The following ANO2 variants were observed in gnomAD, a reference collection of about 807,000 sequenced individuals.
The protein encoded by ANO2 is anoctamin-2.
ANO2 carries 101 observed loss-of-function variants against 124.2 expected under a neutral mutation model. The ratio of observed to expected loss-of-function variants is 0.81; its 90% confidence interval spans 0.69 to 0.96. The LOEUF (loss-of-function observed/expected upper bound fraction) is 0.96, where lower values mean the gene tolerates loss of function less well. Ranked by LOEUF, ANO2 falls within the 40% of genes least tolerant of loss-of-function variation. The pLI, the probability that ANO2 is intolerant of heterozygous loss-of-function variation, is 0.00. For synonymous variants in ANO2, 486 were observed against 482.5 expected, an observed-to-expected ratio of 1.01 and a Z score of -0.09; for missense variants, 1,293 against 1,274.5, an observed-to-expected ratio of 1.01 and a Z score of -0.22.
chr12:5,612,156 G>A (rs369212766), intron 19 of ANO2, among the ~76,000 whole-genome samples: 1 of 152,142 alleles, frequency 6.6e-6, no homozygotes, highest in East Asian at 1.9e-4. Flanking sequence ...GAAGTCCTAT[G>A]ACATTTTCAT....
chr12:5,782,449 G>T (rs911607424), intron 10 of ANO2, among the ~76,000 whole-genome samples: 2 of 152,008 alleles, frequency 1.3e-5, no homozygotes, highest in African/African-American at 4.8e-5. Context: ...TATCATTATG[G>T]ATTTAAGTTT....
chr12:5,720,148 G>A (rs1950166858), intron 14 of ANO2, among the ~76,000 whole-genome samples: 2 of 152,176 alleles, frequency 1.3e-5, no homozygotes, highest in African/African-American at 2.4e-5. Flanking sequence ...GCAGGCTGTG[G>A]TGGTGGATGG....
At chr12:5,643,063 T>TACACACACAC (rs67252256) in intron 15 of ANO2, among the ~76,000 whole-genome samples, 139 of 150,088 alleles carry the variant, frequency 9.3e-4, no homozygotes, top group African/African-American at 3.1e-3. Context: ...AAATCCATTT[T>TACACACACAC]ACACACACAC....
intron 3 of ANO2, among the ~76,000 whole-genome samples, chr12:5,885,507 C>T (rs763502110): frequency 6.6e-6 from 1 of 152,214 alleles, no homozygotes; most frequent in Non-Finnish European, 1.5e-5. Context: ...TTCTAATGCA[C>T]TATATCACAA....
chr12:5,614,799 G>T (rs1456179942), intron 17 of ANO2, among the ~76,000 whole-genome samples: 2 of 152,100 alleles, frequency 1.3e-5, no homozygotes, highest in African/African-American at 4.8e-5. Flanking sequence ...TCTTGTGAGG[G>T]GCCGTGCCCT....
chr12:5,783,813 T>A (rs551144214), intron 10 of ANO2, among the ~76,000 whole-genome samples: 34 of 152,260 alleles, frequency 2.2e-4, no homozygotes, highest in Admixed American at 5.9e-4. Flanking sequence ...CTTGTCCCAC[T>A]CTGGAACCCC....
intron 3 of ANO2, among the ~76,000 whole-genome samples, chr12:5,918,789 C>T (rs1394675294): frequency 1.3e-5 from 2 of 152,178 alleles, no homozygotes; most frequent in Non-Finnish European, 2.9e-5. Context: ...CCTCAAGCCT[C>T]AGCATGACAC....
rs1162526713 is a variant in ANO2, at chr12:5,636,563, C to T, written c.1621-1216G>A. ...AAATAGAAAACGTAGGGAGAGAAAA[C>T]AGCAGGTGGAAGGCTCCCTGAAAAA... On this transcript the variant is annotated intron_variant, in intron 15 of 24. Coordinates refer to ENST00000682330, the MANE Select transcript of ANO2 (RefSeq NM_001364791.2). This position sits in a 1 kb window ranked among gnomAD's most constrained non-coding sequence, Gnocchi z 4.6. Among the ~76,000 whole-genome samples the T allele has an allele frequency of 2.0e-5, 3 of 148,376 alleles. No homozygotes were observed. The highest frequency in any genetic ancestry group is 6.8e-5 in the Admixed American group (1 of 14,780).
intron 3 of ANO2, among the ~76,000 whole-genome samples, chr12:5,866,029 T>C (rs1430542284): frequency 6.6e-6 from 1 of 152,222 alleles, no homozygotes; most frequent in African/African-American, 2.4e-5. Context: ...CAGCCATATG[T>C]TTTTAGCAGA....
chr12:5,729,069 A>G (rs1323806313), intron 14 of ANO2, among the ~76,000 whole-genome samples: 1 of 152,214 alleles, frequency 6.6e-6, no homozygotes, highest in African/African-American at 2.4e-5. Flanking sequence ...ATGACATTGG[A>G]TTAGGCAATG....
intron 14 of ANO2, among the ~76,000 whole-genome samples, chr12:5,660,197 T>G (rs1261674334): frequency 6.6e-6 from 1 of 152,122 alleles, no homozygotes; most frequent in Non-Finnish European, 1.5e-5. Context: ...ATAACCCCAC[T>G]GTAAGTCAAG....
chr12:5,621,914 G>A (rs1324035311), intron 16 of ANO2, among the ~76,000 whole-genome samples: 2 of 152,134 alleles, frequency 1.3e-5, no homozygotes, highest in African/African-American at 4.8e-5. Flanking sequence ...CTTTTCAATA[G>A]GATGTTTTTT....
intron 12 of ANO2, among the ~76,000 whole-genome samples, chr12:5,743,394 C>T (rs1328657926): frequency 6.6e-6 from 1 of 152,144 alleles, no homozygotes; most frequent in Non-Finnish European, 1.5e-5. Flanking sequence ...TTTTCTAATA[C>T]TCATGGGTGT....
At chr12:5,818,607 G>C (rs1206475031) in intron 7 of ANO2, among the ~76,000 whole-genome samples, 25 of 151,018 alleles carry the variant, frequency 1.7e-4, no homozygotes, top group Non-Finnish European at 1.5e-5. Flanking sequence ...TAAGGATGGA[G>C]TTCTTTCATT....
chr12:5,600,141 C>T (rs866315261), intron 19 of ANO2, among the ~76,000 whole-genome samples: 1 of 152,130 alleles, frequency 6.6e-6, no homozygotes, highest in Non-Finnish European at 1.5e-5. Context: ...GCTCTAATCC[C>T]CAATGTGACT....
At chr12:5,619,818 T>A (rs1485055197) in intron 16 of ANO2, among the ~76,000 whole-genome samples, 1 of 152,226 alleles carries the variant, frequency 6.6e-6, no homozygotes, top group Non-Finnish European at 1.5e-5. Context: ...GCTCCAACAT[T>A]TAGACGTGCT....
intron 14 of ANO2, among the ~76,000 whole-genome samples, chr12:5,692,751 C>T (rs560156583): frequency 2.0e-4 from 30 of 152,268 alleles, no homozygotes; most frequent in South Asian, 6.2e-4. Context: ...TGTGATGGCA[C>T]GAAGCTGTCC....
At chr12:5,812,700 A>C (rs1020114958) in intron 7 of ANO2, among the ~76,000 whole-genome samples, 1 of 19,242 alleles carries the variant, frequency 5.2e-5, no homozygotes, top group Non-Finnish European at 1.3e-4. Context: ...AAGAAAGAGA[A>C]AGAAAAGAAG....
intron 14 of ANO2, among the ~76,000 whole-genome samples, chr12:5,725,316 T>A (rs1950395149): frequency 6.6e-6 from 1 of 152,210 alleles, no homozygotes; most frequent in Non-Finnish European, 1.5e-5. Flanking sequence ...ATTCCTGTGC[T>A]TCTTGTCAAA....
Sources: gnomAD v4.1 joint callset for allele counts (sites outside exome capture counted in the v4.1 genomes callset) on GRCh38, gnomAD v4.1.1 for gene constraint, Gnocchi (gnomAD v3.1) non-coding constraint, MANE v1.5 for transcripts, NCBI Gene and HGNC (gene_info 2026-07-23, HGNC 2026-07-21) for gene names.